Variants in LTF observed in about 807,000 individuals in gnomAD.
LTF encodes the protein lactotransferrin.
A neutral mutation model predicts 87.2 loss-of-function variants in LTF; 91 were observed. The observed-to-expected ratio is 1.04, with a 90% CI of 0.88 to 1.24. The LOEUF (loss-of-function observed/expected upper bound fraction) is 1.24. Ranked by LOEUF, LTF falls within the 50% of genes most tolerant of loss-of-function variation. LTF has a pLI of 0.00. For synonymous variants in LTF, 378 were observed against 356.1 expected (o/e 1.06, Z -0.69); for missense variants, 901 against 904.3 (o/e 1.00, Z 0.05).
intron 13 of LTF, among the ~76,000 whole-genome samples, 154 bp downstream of exon 13, chr3:46,443,287 G>C (rs1575307511): frequency 6.6e-6 from 1 of 152,162 alleles, no homozygotes; most frequent in South Asian, 2.1e-4. Context: ...GGGTGTGGTG[G>C]GGACAGCCCT....
chr3:46,481,431 C>T (rs59244195), intron 1 of LTF, among the ~76,000 whole-genome samples: 19,346 of 152,088 alleles, frequency 0.13, 1,818 homozygotes, highest in East Asian at 0.38. Flanking sequence ...TAGATGTTCC[C>T]CAAAGTCTGC....
chr3:46,469,200 G>T (rs1006905093), upstream of LTF, among the ~76,000 whole-genome samples: 1 of 152,222 alleles, frequency 6.6e-6, no homozygotes, highest in Non-Finnish European at 1.5e-5. Context: ...TGTCGCCTGA[G>T]GTCACACAGT....
chr3:46,449,079 C>T, intron 8 of LTF, 62 bp from the exon 9 acceptor site: 2 of 1,511,120 alleles, frequency 1.3e-6, no homozygotes, highest in East Asian at 2.3e-5. Flanking sequence ...GTCCAACCTC[C>T]CCAGAGCCAG....
At chr3:46,441,584 T>TA in intron 13 of LTF, 101 bp from the exon 14 acceptor site, 1 of 821,818 alleles carries the variant, frequency 1.2e-6, no homozygotes, top group South Asian at 1.6e-5. Context: ...AATATGGAAG[T>TA]AAACATCTAA....
exon 1 of LTF, chr3:46,485,028 T>G (rs1273586560): frequency 1.3e-5 from 2 of 152,172 alleles, no homozygotes; most frequent in Admixed American, 6.5e-5. Context: ...TTCTACTCAT[T>G]AAATTCTGGA....
intron 2 of LTF, among the ~76,000 whole-genome samples, chr3:46,457,127 C>G (rs1237070491): frequency 6.6e-6 from 1 of 152,214 alleles, no homozygotes; most frequent in East Asian, 1.9e-4. Context: ...CTGCTCACCT[C>G]CTGGTCTGAG....
At chr3:46,439,869 A>C (rs1702475278) in intron 14 of LTF, among the ~76,000 whole-genome samples, 1 of 152,016 alleles carries the variant, frequency 6.6e-6, no homozygotes, top group Admixed American at 6.6e-5. Flanking sequence ...TGAAGCTAGG[A>C]GTTCATGACC....
Position 46,445,281 on chromosome 3 carries a change from C to G in LTF, c.1513G>C (p.Asp505His), listed in dbSNP as rs893113672. 1.2e-6 allele frequency: 2 copies of G among 1,605,982 alleles called. No homozygotes were observed. The highest frequency in any genetic ancestry group is 2.7e-5 in the African/African-American group (2 of 74,562). ...CCACCGCACCTTTGGAACTCCTTAC[C>G]AAATTTGCAGGAGCCCGTCTGGTTG... ...LFNQTGSCKF[D>H]EYFSQSCAPG... The change falls in exon 12 of 17, where the codon GAT (aspartate) becomes CAT (histidine). Residue 505 changes from aspartate (D) to histidine (H), a missense_variant and splice_region_variant. Physicochemically the swap from Asp to His is moderately conservative, Grantham distance 81. Coordinates refer to ENST00000231751, the MANE Select transcript of LTF (RefSeq NM_002343.6).
intron 13 of LTF, among the ~76,000 whole-genome samples, chr3:46,442,807 A>G (rs1382341227): frequency 6.6e-6 from 1 of 152,216 alleles, no homozygotes; most frequent in Non-Finnish European, 1.5e-5. Flanking sequence ...GAAAAGGAAC[A>G]GGGGAAGATC....
chr3:46,453,924 C>G (rs748777174), intron 6 of LTF: 1 of 238,978 alleles, frequency 4.2e-6, no homozygotes, highest in African/African-American at 2.2e-5. Context: ...ACCGATAAAC[C>G]TCTAAAACAA....
rs1271479148 is a variant in LTF, at chr3:46,482,655, AGAAAGAAGGAAGGAAGGAAG to A, written c.-320+2311_-320+2330del. On this transcript the variant is annotated intron_variant, in intron 1 of 19. Coordinates refer to the LTF transcript ENST00000443496. Reference sequence around the variant, plus strand: ...AAGAAAGAAAGAAAGAAAGAAAGAAAGAAAGAAGGAAGGAAGGAAGGAAGGAAGGAAGGAAGGAAGGAAGG... The same window carrying A: ...AAGAAAGAAAGAAAGAAAGAAAGAAAGAAGGAAGGAAGGAAGGAAGGAAGG... Among the ~76,000 whole-genome samples the A allele has an allele frequency of 4.5e-4, 39 of 87,164 alleles. 3 individuals carry two copies. The highest frequency in any genetic ancestry group is 6.7e-4 in the Non-Finnish European group (29 of 43,074). The allele number at this position is 87,164 out of a possible 152,430, so 57.2% of individuals were successfully genotyped here. A position where few individuals can be genotyped will look rare whatever the true frequency, so the allele number is the denominator to read the frequency against.
Position 46,449,931 on chromosome 3 carries a change from G to A in LTF, c.980C>T (p.Ser327Leu), listed in dbSNP as rs926574840. ...LLFKDSAIGF[S>L]RVPPRIDSGL... Reference sequence around the variant, plus strand: ...AGAATCTATCCTCGGGGGCACCCTCGAAAACCCAATGGCAGAGTCCTTGAA... The same window carrying A: ...AGAATCTATCCTCGGGGGCACCCTCAAAAACCCAATGGCAGAGTCCTTGAA... The change falls in exon 8 of 17, where the codon TCG (serine) becomes TTG (leucine). Residue 327 changes from serine (S) to leucine (L), a missense_variant. Physicochemically the swap from Ser to Leu is moderately radical, Grantham distance 145 (BLOSUM62 -2). Coordinates refer to ENST00000231751, the MANE Select transcript of LTF (RefSeq NM_002343.6). 38 of 1,614,028 alleles carry A rather than the reference G, an allele frequency of 2.4e-5. No homozygotes were observed. The highest frequency in any genetic ancestry group is 5.0e-5 in the Admixed American group (3 of 60,008).
rs1241512078 is a variant in LTF at position 46,439,497 on chromosome 3, G to C, written c.1724-17C>G. 4.4e-6 allele frequency: 7 copies of C among 1,589,418 alleles called. No homozygotes were observed. Among genetic ancestry groups the C allele is most frequent in the Non-Finnish European group, 6.0e-6 (7 of 1,165,760 alleles). On this transcript the variant is annotated splice_polypyrimidine_tract_variant and intron_variant, in intron 14 of 16. Coordinates refer to ENST00000231751, the MANE Select transcript of LTF (RefSeq NM_002343.6). Reference sequence around the variant, plus strand: ...TGTTATTTCCTGGGGAGAAAAAGAAGGTGGCATCATCCACGCCTCCCCTGC... The same window carrying C: ...TGTTATTTCCTGGGGAGAAAAAGAACGTGGCATCATCCACGCCTCCCCTGC...
Position 46,464,882 on chromosome 3 carries a change from G to A in LTF, c.-15C>T. The A allele has an allele frequency of 1.2e-6, 2 of 1,613,936 alleles. No individual in the cohort carries two copies. The highest frequency in any genetic ancestry group is 1.3e-5 in the African/African-American group (1 of 75,038). On this transcript the variant is annotated 5_prime_UTR_variant, in exon 1 of 17. Transcript: ENST00000231751. ...ACAAGTTTCATGTCTGCGGTCTGGA[G>A]GCGACTTGGCAAACGAAGGCTCTGC...
At chr3:46,455,157 G>T in intron 5 of LTF, 138 bp downstream of exon 5, 1 of 1,037,972 alleles carries the variant, frequency 9.6e-7, no homozygotes, top group Non-Finnish European at 1.4e-6. Flanking sequence ...ACTCTCTTTG[G>T]ACACACAGCA....
chr3:46,439,235 T>C (rs1334181607), intron 15 of LTF, 61 bp downstream of exon 15: 1 of 1,486,146 alleles, frequency 6.7e-7, no homozygotes, highest in Non-Finnish European at 9.1e-7. Context: ...AGCTCTGTGA[T>C]CTCCTCACCT....
intron 1 of LTF, among the ~76,000 whole-genome samples, chr3:46,477,302 C>G (rs916382343): frequency 6.6e-6 from 1 of 152,214 alleles, no homozygotes; most frequent in Non-Finnish European, 1.5e-5. Flanking sequence ...CTCCACTTGC[C>G]TCTGTGAGGG....
rs375005927 is a variant in LTF at position 46,447,336 on chromosome 3, A to G, written c.1275T>C (p.Gly425=). 96 of 1,613,982 alleles carry G rather than the reference A, an allele frequency of 5.9e-5. No individual in the cohort carries two copies. The highest frequency in any genetic ancestry group is 7.5e-5 in the Non-Finnish European group (89 of 1,180,006). The change falls in exon 10 of 17, where the codon GGT becomes GGC. Residue 425 remains glycine (G), a synonymous_variant. Transcript: ENST00000231751. Reference sequence around the variant, plus strand: ...AGTTCTCTGCCAGGACAGGCACCAAACCACATTTGCCTGCAGTGTACACAT... The same window carrying G: ...AGTTCTCTGCCAGGACAGGCACCAAGCCACATTTGCCTGCAGTGTACACAT... ...GGYVYTAGKC[G]LVPVLAENYK...
At chr3:46,456,516 C>G in intron 2 of LTF, 118 bp from the exon 3 acceptor site, 1 of 690,322 alleles carries the variant, frequency 1.4e-6, no homozygotes, top group East Asian at 2.8e-5. Flanking sequence ...GGTCCGCTTT[C>G]CATCCTGTCC....
Sources: allele counts gnomAD v4.1 joint callset (sites outside exome capture counted in the v4.1 genomes callset), GRCh38; gene constraint gnomAD v4.1.1; transcripts MANE v1.5; gene names NCBI Gene and HGNC (gene_info 2026-07-23, HGNC 2026-07-21).